Variants in PAK4 observed in about 807,000 individuals in gnomAD.
PAK4 encodes the protein p21 (RAC1) activated kinase 4.
A neutral mutation model predicts 53.5 loss-of-function variants in PAK4; 49 were observed. The observed-to-expected ratio is 0.92, with a 90% confidence interval of 0.73 to 1.16. The LOEUF (loss-of-function observed/expected upper bound fraction) is 1.16, where lower values mean the gene tolerates loss of function less well. Among genes scored for constraint, PAK4 ranks in the 50% most tolerant of loss-of-function variants. The probability of loss-of-function intolerance (pLI) is 0.00; values close to 1 mark genes in which losing one functional copy is unlikely to be tolerated. For missense variants in PAK4, 824 were observed against 850.7 expected, an observed-to-expected ratio of 0.97 and a Z score of 0.39; for synonymous variants, 376 against 375.6, an observed-to-expected ratio of 1.00 and a Z score of -0.01.
chr19:39,180,900 T>G (rs962043960), downstream of PAK4: 3 of 152,106 alleles, frequency 2.0e-5, no homozygotes, highest in African/African-American at 7.2e-5. Flanking sequence ...AACGCAAGGC[T>G]CACAGCCAGG....
chr19:39,128,588 T>C (rs1272477457), intron 1 of PAK4, among the ~76,000 whole-genome samples: 1 of 152,236 alleles, frequency 6.6e-6, no homozygotes, highest in Non-Finnish European at 1.5e-5. Context: ...GCCACTTTTA[T>C]TCCTTCAACA....
intron 8 of PAK4, 126 bp downstream of exon 9, chr19:39,177,935 G>GCCCC: frequency 1.8e-6 from 2 of 1,108,772 alleles, no homozygotes; most frequent in Non-Finnish European, 2.5e-6. Context: ...TGTGTGCTGG[G>GCCCC]CCCCCCACCC....
intron 1 of PAK4, among the ~76,000 whole-genome samples, chr19:39,139,419 G>T (rs1568500558): frequency 6.6e-6 from 1 of 152,192 alleles, no homozygotes; most frequent in Admixed American, 6.5e-5. Context: ...GGGCTGGGAA[G>T]GGGTGTTCAG....
chr19:39,141,315 TA>T (rs1263439762), intron 1 of PAK4, among the ~76,000 whole-genome samples: 29 of 146,328 alleles, frequency 2.0e-4, no homozygotes, highest in African/African-American at 6.9e-4. Context: ...AGTTGTCTTA[TA>T]ATCCTTTTTT....
intron 2 of PAK4, among the ~76,000 whole-genome samples, chr19:39,172,318 C>T (rs921596832): frequency 6.6e-6 from 1 of 152,122 alleles, no homozygotes; most frequent in Non-Finnish European, 1.5e-5. Context: ...GGGTGGGGAC[C>T]GGGTGACTCG....
chr19:39,136,656 C>T (rs1954774223), intron 1 of PAK4, among the ~76,000 whole-genome samples: 1 of 152,212 alleles, frequency 6.6e-6, no homozygotes, highest in South Asian at 2.1e-4. Flanking sequence ...CATAACGTAG[C>T]CTCAGGGCAT....
At chr19:39,145,973 CTGT>C (rs1188196363) in intron 1 of PAK4, among the ~76,000 whole-genome samples, 1 of 152,248 alleles carries the variant, frequency 6.6e-6, no homozygotes, top group Non-Finnish European at 1.5e-5. Flanking sequence ...TGCCCCACCT[CTGT>C]TGGCCTCAGT....
At chr19:39,141,461 G>T (rs879880310) in intron 1 of PAK4, among the ~76,000 whole-genome samples, 1 of 151,076 alleles carries the variant, frequency 6.6e-6, no homozygotes, top group African/African-American at 2.4e-5. Context: ...GACTACAGGC[G>T]TGTGCCATGA....
downstream of PAK4, chr19:39,180,212 G>A (rs2074686123): frequency 6.6e-6 from 1 of 152,290 alleles, no homozygotes; most frequent in African/African-American, 2.4e-5. Context: ...CCTATGCCAA[G>A]TGCAAACACA....
At chr19:39,177,535 G>A in intron 7 of PAK4, 140 bp from the exon 9 acceptor site, 3 of 819,940 alleles carry the variant, frequency 3.7e-6, no homozygotes, top group Non-Finnish European at 3.6e-6. Context: ...ACTGCTGGCT[G>A]GGTGCCCAAG....
chr19:39,156,532 G>A (rs1293708358), intron 1 of PAK4, among the ~76,000 whole-genome samples: 1 of 152,090 alleles, frequency 6.6e-6, no homozygotes, highest in Non-Finnish European at 1.5e-5. Flanking sequence ...TGTGGTTGGG[G>A]TCCCCGCCCA....
In PAK4 at chr19:39,175,331, G is replaced by A. The variant is rs557625940; in HGVS notation, c.1252G>A (p.Ala418Thr). 5 of 1,588,922 alleles carry A rather than the reference G, an allele frequency of 3.1e-6. No individual in the cohort carries two copies. The highest frequency in any genetic ancestry group is 2.3e-5 in the East Asian group (1 of 44,002). The change falls in exon 6 of 9, where the codon GCG becomes ACG. Residue 418 changes from alanine to threonine, a missense_variant. Ala to Thr is a moderately conservative substitution (Grantham distance 58, BLOSUM62 0). Around this residue, in one of 2 missense-constraint regions of PAK4, gnomAD observed 346 missense variants for 415.0 expected, o/e 0.83. Coordinates refer to ENST00000358301, the Ensembl canonical transcript of PAK4. This position sits in a 1 kb window ranked among gnomAD's most constrained non-coding sequence, Gnocchi z 4.7. Reference sequence around the variant, plus strand: ...CCGCAGGATGAACGAGGAGCAGATCGCGGCCGTGTGCCTTGCAGTGCTGCA... The same window carrying A: ...CCGCAGGATGAACGAGGAGCAGATCACGGCCGTGTGCCTTGCAGTGCTGCA...
At chr19:39,143,853 T>A (rs1336521520) in intron 1 of PAK4, among the ~76,000 whole-genome samples, 1 of 148,946 alleles carries the variant, frequency 6.7e-6, no homozygotes, top group African/African-American at 2.6e-5. Context: ...GTGCCTGTGG[T>A]CCTAGCTACT....
At position 39,178,428 on chromosome 19, in the gene PAK4, C is replaced by G; in HGVS notation, c.1625C>G (p.Ser542Trp). The G allele has an allele frequency of 6.3e-7, 1 of 1,584,982 alleles. No individual in the cohort carries two copies. The highest frequency in any genetic ancestry group is 1.2e-5 in the South Asian group (1 of 86,808). The change falls in exon 9 of 9, where the codon TCG becomes TGG. Residue 542 changes from serine (S) to tryptophan (W), a missense_variant. Coordinates refer to ENST00000358301, the Ensembl canonical transcript of PAK4. The surrounding 1 kb of genome is among the most constrained non-coding windows in gnomAD (Gnocchi z 4.4). ...CCCTCCCCTCCTTCTCGACAGGTGT[C>G]GCCATCCCTGAAGGGCTTCCTGGAC... is the stretch of plus-strand genomic sequence containing the variant.
Position 39,142,729 on chromosome 19 carries a change from C to T in PAK4, c.-23+16810C>T, listed in dbSNP as rs1473433066. On this transcript the variant is annotated intron_variant, in intron 1 of 8. Transcript: ENST00000358301. ...CTTCCGCATCGCGTGGTGGTGACAC[C>T]TTCAGAACAGAGTGGTCTCCCACCC... Among the ~76,000 whole-genome samples, 4 of 152,218 alleles carry T rather than the reference C, an allele frequency of 2.6e-5. No individual in the cohort carries two copies. In the East Asian group the frequency reaches 7.7e-4, roughly 29 times the overall value.
intron 1 of PAK4, among the ~76,000 whole-genome samples, chr19:39,129,006 G>C (rs1409513229): frequency 6.6e-6 from 1 of 152,216 alleles, no homozygotes; most frequent in Non-Finnish European, 1.5e-5. Flanking sequence ...GCTGACGACT[G>C]TTGTTTCACA....
At position 39,177,741 on chromosome 19, in the gene PAK4, G is replaced by A. The variant is rs372098486; in HGVS notation, c.1552G>A (p.Glu518Lys). ...GGACGGAGAGCCCCCCTACTTCAAC[G>A]AGCCACCCCTCAAAGCCATGAAGAT... The change falls in exon 8 of 9, where the codon GAG (glutamate) becomes AAG (lysine). Residue 518 changes from glutamate (E) to lysine (K), a missense_variant. By Grantham distance (56) the Glu-to-Lys change is moderately conservative. Around this residue, in one of 2 missense-constraint regions of PAK4, gnomAD observed 346 missense variants for 415.0 expected, o/e 0.83. Coordinates refer to ENST00000358301, the Ensembl canonical transcript of PAK4. 5.0e-6 allele frequency: 8 copies of A among 1,613,552 alleles called. No individual in the cohort carries two copies. Among genetic ancestry groups the A allele is most frequent in the East Asian group, 4.5e-5 (2 of 44,860 alleles).
In PAK4 at chr19:39,178,616, G is replaced by A. The variant is rs766236135; in HGVS notation, c.*37G>A. 9.1e-6 allele frequency: 14 copies of A among 1,539,316 alleles called. 1 individual carries two copies. Among genetic ancestry groups the A allele is most frequent in the South Asian group, 7.3e-5 (6 of 81,996 alleles). On this transcript the variant is annotated 3_prime_UTR_variant, in exon 9 of 9. Transcript: ENST00000358301. This position sits in a 1 kb window ranked among gnomAD's most constrained non-coding sequence, Gnocchi z 4.4. ...CTTCCCCTCAACCAAAGAGCCCCCC[G>A]GGTCACCCCCGCCCCACTGAGGCCA...
chr19:39,134,624 G>T (rs2073776732), intron 1 of PAK4, among the ~76,000 whole-genome samples: 1 of 151,640 alleles, frequency 6.6e-6, no homozygotes, highest in African/African-American at 2.4e-5. Context: ...CTTTGACACA[G>T]AGTCTCGCTC....
Sources: gnomAD v4.1 joint callset for allele counts (sites outside exome capture counted in the v4.1 genomes callset) on GRCh38, gnomAD v4.1.1 for gene constraint, gnomAD v4.1.1 regional missense constraint, Gnocchi (gnomAD v3.1) non-coding constraint, MANE v1.5 for transcripts, NCBI Gene and HGNC (gene_info 2026-07-23, HGNC 2026-07-21) for gene names.